HNRNPDL: variants seen among roughly 807,000 people sequenced by gnomAD.
The protein encoded by HNRNPDL is heterogeneous nuclear ribonucleoprotein D-like.
In HNRNPDL, 18 loss-of-function variants were observed where a neutral mutation model predicts 48.0. The ratio of observed to expected loss-of-function variants is 0.38; its 90% CI spans 0.26 to 0.56. HNRNPDL has a LOEUF of 0.56. Ranked by LOEUF, HNRNPDL falls within the 20% of genes least tolerant of loss-of-function variation. The probability of loss-of-function intolerance (pLI) is 0.77; values close to 1 mark genes in which losing one functional copy is unlikely to be tolerated. For missense variants in HNRNPDL, 553 were observed against 540.7 expected (o/e 1.02, Z -0.23); for synonymous variants, 306 against 207.3 (o/e 1.48, Z -4.09).
At chr4:82,428,791 GCCAACGTT>G (rs1394125606) in intron 1 of HNRNPDL, among the ~76,000 whole-genome samples, 1 of 152,220 alleles carries the variant, frequency 6.6e-6, no homozygotes, top group Admixed American at 6.5e-5. Context: ...CAGCTGTCAA[GCCAACGTT>G]CCACCCAGAG....
intron 5 of HNRNPDL, among the ~76,000 whole-genome samples, chr4:82,426,896 A>C (rs901009129): frequency 2.0e-5 from 3 of 152,206 alleles, no homozygotes; most frequent in Admixed American, 6.5e-5. Flanking sequence ...GTTCTGTTTA[A>C]AACAAGGACT....
chr4:82,424,439 A>T lies in HNRNPDL; in HGVS notation c.*467T>A, dbSNP rs566956833. On this transcript the variant is annotated 3_prime_UTR_variant, in exon 8 of 8. Transcript: ENST00000295470. The stretch of plus-strand genomic sequence containing the variant: ...GGTAGAAATCTCAGTTACAGGGAGA[A>T]GATGAAGCCTTAAGAGCATAAAATA... 2 of 152,782 alleles carry T rather than the reference A, an allele frequency of 1.3e-5. No individual in the cohort carries two copies. Among genetic ancestry groups the T allele is most frequent in the South Asian group, 2.1e-4 (1 of 4,826 alleles). The allele number at this position is 152,782 out of a possible 1,614,324, so 9.5% of individuals were successfully genotyped here.
Position 82,429,406 on chromosome 4 carries a change from T to A in HNRNPDL, c.285A>T (p.Ile95=). 1.9e-6 allele frequency: 3 copies of A among 1,613,098 alleles called. No individual in the cohort carries two copies. Among genetic ancestry groups the A allele is most frequent in the East Asian group, 4.5e-5 (2 of 44,754 alleles). The change falls in exon 1 of 8, where the codon ATA becomes ATT. Residue 95 remains isoleucine, a synonymous_variant. Coordinates refer to ENST00000295470, the MANE Select transcript of HNRNPDL (RefSeq NM_031372.4). The part of the protein sequence containing the change: ...LFRRHFKSSS[I]QRSAAAAAAT... ...CGGCAGCAGCGGCGGCGGAGCGTTG[T>A]ATGGAGCTGGATTTAAAATGGCGGC...
chr4:82,427,896 G>C (rs112248900), intron 3 of HNRNPDL, 122 bp downstream of exon 3: 13 of 961,594 alleles, frequency 1.4e-5, no homozygotes, highest in African/African-American at 8.3e-5. Context: ...CACTGGAAGC[G>C]ACTTGAGCAG....
chr4:82,425,477 C>G (rs1721377676), intron 7 of HNRNPDL: 1 of 152,770 alleles, frequency 6.5e-6, no homozygotes, highest in Admixed American at 6.5e-5. Context: ...GACACTTAAT[C>G]TCCAAAAAGA....
chr4:82,425,785 T>G (rs1578082802), intron 7 of HNRNPDL: 2 of 438,358 alleles, frequency 4.6e-6, no homozygotes, highest in African/African-American at 2.0e-5. Context: ...TAATTATTCC[T>G]CTAGACCACC....
In HNRNPDL at chr4:82,426,019, CTGT is replaced by C. The variant is rs1721391788; in HGVS notation, c.*22+15_*22+17del. 1 of 1,439,816 alleles carries C rather than the reference CTGT, an allele frequency of 6.9e-7. No homozygotes were observed. The highest frequency in any genetic ancestry group is 9.8e-7 in the Non-Finnish European group (1 of 1,023,526). The allele number at this position is 1,439,816 out of a possible 1,614,324, so 89.2% of individuals were successfully genotyped here. ...TAAATTAGACATTTCTACTGTTTTC[CTGT>C]ACTCTTATACACACCTGTTTTCTCC... On this transcript the variant is annotated intron_variant, in intron 7 of 7. Transcript: ENST00000295470.
rs1364248568 is a variant in HNRNPDL at position 82,423,852 on chromosome 4, CTGAA to C, written c.*1050_*1053del. 2.0e-5 allele frequency: 3 copies of C among 152,314 alleles called. No homozygotes were observed. The highest frequency in any genetic ancestry group is 1.9e-4 in the East Asian group (1 of 5,190). 9.4% of individuals were successfully genotyped at this position (152,314 alleles called of 1,614,324 possible). ...AAGATACCTTTTCCACTATTCCTTT[CTGAA>C]TATGTAAATATTTAACTACTTAGTT... On this transcript the variant is annotated 3_prime_UTR_variant, in exon 8 of 8. Transcript: ENST00000295470.
intron 1 of HNRNPDL, 121 bp downstream of exon 1, chr4:82,429,127 C>T (rs1721562366): frequency 2.2e-6 from 2 of 896,994 alleles, no homozygotes; most frequent in South Asian, 2.8e-5. Flanking sequence ...TCTAGTGGGG[C>T]CCAGAAGGCA....
At position 82,427,442 on chromosome 4, in the gene HNRNPDL, A is replaced by C. The variant is rs770156107; in HGVS notation, c.897T>G (p.Gly299=). ...KLLESRYHQI[G]SGKCEIKVAQ... is the part of the protein sequence containing the mutation. ...GCTTAAATGGCTTTACCTTCCCAGAACCAATTTGATGGTATCTGCTTTCTA... is the reference window on the plus strand; with the variant it reads ...GCTTAAATGGCTTTACCTTCCCAGACCCAATTTGATGGTATCTGCTTTCTA... Residue 299 remains glycine, a synonymous_variant, in exon 4 of 8, where the codon GGT becomes GGG. Transcript: ENST00000295470. 1 of 1,602,612 alleles carries C rather than the reference A, an allele frequency of 6.2e-7. No individual in the cohort carries two copies. Among genetic ancestry groups the C allele is most frequent in the Non-Finnish European group, 8.5e-7 (1 of 1,176,964 alleles).
chr4:82,422,679 G>A lies in HNRNPDL; in HGVS notation c.*2227C>T, dbSNP rs1721230324. 6.6e-6 allele frequency: 1 copy of A among 152,172 alleles called. No individual in the cohort carries two copies. Among genetic ancestry groups the A allele is most frequent in the Admixed American group, 6.5e-5 (1 of 15,284 alleles). The allele number at this position is 152,172 out of a possible 1,614,324, so 9.4% of individuals were successfully genotyped here. On this transcript the variant is annotated 3_prime_UTR_variant, in exon 8 of 8. Coordinates refer to ENST00000295470, the MANE Select transcript of HNRNPDL (RefSeq NM_031372.4). ...TGTTTTGTTAGGATAACATCACACA[G>A]AATTTGGTCTGAACAATGCAAAAGG...
At chr4:82,426,700 G>C in intron 5 of HNRNPDL, 67 bp from the exon 6 acceptor site, 3 of 1,298,922 alleles carry the variant, frequency 2.3e-6, no homozygotes, top group Admixed American at 3.4e-5. Context: ...AAAATGATGC[G>C]TTCTTGTCTC....
chr4:82,426,761 T>C (rs1349422964), intron 5 of HNRNPDL, 128 bp from the exon 6 acceptor site: 2 of 747,154 alleles, frequency 2.7e-6, no homozygotes, highest in Non-Finnish European at 4.4e-6. Context: ...TGCTATCTGC[T>C]TGAAAAACTA....
At position 82,430,003 on chromosome 4, in the gene HNRNPDL, C is replaced by T. The variant is rs538044241; in HGVS notation, c.-313G>A. Reference sequence around the variant, plus strand: ...GCTCCGGAAAAAGGCGGACTGCGCCCGGCGCTGGCGACTGAGGCGGCGAGC... The same window carrying T: ...GCTCCGGAAAAAGGCGGACTGCGCCTGGCGCTGGCGACTGAGGCGGCGAGC... On this transcript the variant is annotated 5_prime_UTR_variant, in exon 1 of 8. Coordinates refer to ENST00000295470, the MANE Select transcript of HNRNPDL (RefSeq NM_031372.4). The T allele has an allele frequency of 5.6e-6, 1 of 180,178 alleles. No homozygotes were observed. The highest frequency in any genetic ancestry group is 1.1e-5 in the Non-Finnish European group (1 of 87,324). The allele number at this position is 180,178 out of a possible 1,614,324, so 11.2% of individuals were successfully genotyped here.
intron 6 of HNRNPDL, 65 bp downstream of exon 6, chr4:82,426,398 A>G (rs1721408618): frequency 7.1e-7 from 1 of 1,400,342 alleles, no homozygotes; most frequent in Admixed American, 1.7e-5. Context: ...ATTTCAGAAC[A>G]GGATTGTATG....
rs1357145992 is a variant in HNRNPDL, at chr4:82,428,056, C to T, written c.736G>A (p.Glu246Lys). 1.2e-6 allele frequency: 2 copies of T among 1,614,148 alleles called. No homozygotes were observed. Among genetic ancestry groups the T allele is most frequent in the Non-Finnish European group, 1.7e-6 (2 of 1,179,996 alleles). ...CCAAAATATTCTTTAATTTGTTCTT[C>T]AGAAGTATCCGGGCTCAATCCACCC... Reference protein sequence around the residue: ...FVGGLSPDTSEEQIKEYFGAF... With the variant: ...FVGGLSPDTSKEQIKEYFGAF... Residue 246 changes from glutamate to lysine, a missense_variant, in exon 3 of 8, where the codon GAA (glutamate) becomes AAA (lysine). Physicochemically the swap from Glu to Lys is moderately conservative, Grantham distance 56 (BLOSUM62 1). Transcript: ENST00000295470.
rs1157802735 is a variant in HNRNPDL at position 82,426,450 on chromosome 4, T to TC, written c.1192+12_1192+13insG. ...ATACCACTGCTTTATAAAATTAAGT[T>TC]AAATATTCTTACCACTGTAGTCTGC... On this transcript the variant is annotated intron_variant, in intron 6 of 7. Coordinates refer to ENST00000295470, the MANE Select transcript of HNRNPDL (RefSeq NM_031372.4). 1 of 1,598,894 alleles carries TC rather than the reference T, an allele frequency of 6.3e-7. No homozygotes were observed. Among genetic ancestry groups the TC allele is most frequent in the Non-Finnish European group, 8.6e-7 (1 of 1,168,172 alleles).
intron 6 of HNRNPDL, 109 bp downstream of exon 6, chr4:82,426,354 C>T: frequency 1.9e-6 from 2 of 1,037,100 alleles, no homozygotes; most frequent in Non-Finnish European, 2.9e-6. Context: ...AAACACTTAA[C>T]TCCGAACACT....
At chr4:82,426,332 G>GT (rs1721405933) in intron 6 of HNRNPDL, 131 bp downstream of exon 6, 2 of 888,730 alleles carry the variant, frequency 2.3e-6, no homozygotes, top group South Asian at 1.6e-5. Flanking sequence ...TCCTATGATT[G>GT]TAACATGCCT....
Sources: gnomAD v4.1 joint callset for allele counts (sites outside exome capture counted in the v4.1 genomes callset) on GRCh38, gnomAD v4.1.1 for gene constraint, MANE v1.5 for transcripts, NCBI Gene and HGNC (gene_info 2026-07-23, HGNC 2026-07-21) for gene names.